KCNQ5: variants seen among roughly 807,000 people sequenced by gnomAD.
KCNQ5 encodes potassium voltage-gated channel subfamily Q member 5.
A neutral mutation model predicts 98.2 loss-of-function variants in KCNQ5; 30 were observed. The ratio of observed to expected loss-of-function variants is 0.31; its 90% CI spans 0.23 to 0.41. The LOEUF is 0.41. Ranked by LOEUF, KCNQ5 falls within the 10% of genes least tolerant of loss-of-function variation. The probability of loss-of-function intolerance (pLI) is 1.00; values close to 1 mark genes in which losing one functional copy is unlikely to be tolerated. For synonymous variants in KCNQ5, 458 were observed against 449.4 expected (o/e 1.02, Z -0.24); for missense variants, 835 against 1,182.5 (o/e 0.71, Z 4.31).
chr6:72,847,141 T>G (rs1000625625), intron 1 of KCNQ5, among the ~76,000 whole-genome samples: 1 of 152,124 alleles, frequency 6.6e-6, no homozygotes, highest in Middle Eastern at 3.4e-3. Flanking sequence ...AAAAAAAAAT[T>G]CCCTTGCACT....
intron 3 of KCNQ5, among the ~76,000 whole-genome samples, chr6:73,050,265 A>AGGAG (rs1772163901): frequency 1.1e-5 from 1 of 93,130 alleles, no homozygotes; most frequent in East Asian, 3.5e-4. Flanking sequence ...GAGGGAAGGA[A>AGGAG]GGAAGGAAGG....
At chr6:72,672,535 T>C (rs540602599) in intron 1 of KCNQ5, among the ~76,000 whole-genome samples, 2 of 152,248 alleles carry the variant, frequency 1.3e-5, no homozygotes, top group South Asian at 2.1e-4. Flanking sequence ...AAAATAAAAG[T>C]ATATAAGTTT....
At chr6:73,073,345 T>C (rs1441823502) in intron 3 of KCNQ5, among the ~76,000 whole-genome samples, 1 of 152,164 alleles carries the variant, frequency 6.6e-6, no homozygotes, top group East Asian at 1.9e-4. Flanking sequence ...TACATCAGGG[T>C]TTCTCAGCCT....
intron 1 of KCNQ5, among the ~76,000 whole-genome samples, chr6:72,793,939 C>A (rs578255873): frequency 6.6e-6 from 1 of 152,168 alleles, no homozygotes; most frequent in Non-Finnish European, 1.5e-5. Flanking sequence ...ATTCGGAGAT[C>A]AGAGAATGAG....
At chr6:72,710,418 A>C (rs972762799) in intron 1 of KCNQ5, among the ~76,000 whole-genome samples, 5 of 152,226 alleles carry the variant, frequency 3.3e-5, no homozygotes, top group Admixed American at 2.0e-4. Flanking sequence ...AAACAAAACA[A>C]GACCCAACTG....
chr6:72,772,410 T>G (rs770832183), intron 1 of KCNQ5, among the ~76,000 whole-genome samples: 1 of 152,142 alleles, frequency 6.6e-6, no homozygotes, highest in Non-Finnish European at 1.5e-5. Flanking sequence ...TTATAATATT[T>G]ATATATAACT....
chr6:73,035,120 C>G (rs924339563), intron 2 of KCNQ5, among the ~76,000 whole-genome samples: 14 of 152,060 alleles, frequency 9.2e-5, no homozygotes, highest in African/African-American at 3.1e-4. Flanking sequence ...GCTGGGATTA[C>G]AGGTGTGAAC....
chr6:72,628,036 C>T (rs2098918879), intron 1 of KCNQ5, among the ~76,000 whole-genome samples: 1 of 152,176 alleles, frequency 6.6e-6, no homozygotes, highest in Non-Finnish European at 1.5e-5. Context: ...GTCTGTCTCT[C>T]CCACATGACA....
chr6:73,152,940 A>G (rs1242578020), intron 10 of KCNQ5, among the ~76,000 whole-genome samples: 1 of 152,158 alleles, frequency 6.6e-6, no homozygotes, highest in Non-Finnish European at 1.5e-5. Context: ...TTAATACCCC[A>G]GCTTTTGGTT....
chr6:73,167,051 G>A (rs1007694999), intron 10 of KCNQ5, among the ~76,000 whole-genome samples: 4 of 152,132 alleles, frequency 2.6e-5, no homozygotes, highest in African/African-American at 9.7e-5. Context: ...GCAACTAAGA[G>A]CAGGTTACAA....
intron 1 of KCNQ5, among the ~76,000 whole-genome samples, chr6:72,824,335 A>T (rs976353977): frequency 6.6e-6 from 1 of 152,146 alleles, no homozygotes; most frequent in Non-Finnish European, 1.5e-5. Context: ...ATTTTAAAAA[A>T]AGAGAGGAAA....
chr6:73,009,858 T>C (rs1390019186), intron 2 of KCNQ5, among the ~76,000 whole-genome samples: 1 of 152,134 alleles, frequency 6.6e-6, no homozygotes, highest in African/African-American at 2.4e-5. Flanking sequence ...CTATAACTAG[T>C]AAGGAGATTG....
Position 72,926,289 on chromosome 6 carries a change from TC to T in KCNQ5, c.399-77618del, listed in dbSNP as rs1211176740. Among the ~76,000 whole-genome samples the T allele has an allele frequency of 2.0e-5, 3 of 152,300 alleles. No homozygotes were observed. The East Asian group carries it at 5.8e-4, about 29-fold the overall frequency. The stretch of plus-strand genomic sequence containing the variant: ...TAATTAGTATTACTGCTGCAAGGAA[TC>T]AGCTCATGAAAAGTTATACTGCATT... On this transcript the variant is annotated intron_variant, in intron 1 of 13. Coordinates refer to ENST00000370398, the MANE Select transcript of KCNQ5 (RefSeq NM_019842.4).
intron 1 of KCNQ5, among the ~76,000 whole-genome samples, chr6:72,736,593 G>A (rs1330576537): frequency 2.9e-5 from 4 of 137,530 alleles, no homozygotes; most frequent in Admixed American, 2.4e-4. Context: ...TCCGCCTCCC[G>A]GGTTCACGCC....
intron 1 of KCNQ5, among the ~76,000 whole-genome samples, chr6:72,966,301 G>A (rs1365133986): frequency 2.0e-5 from 3 of 152,074 alleles, no homozygotes; most frequent in African/African-American, 7.2e-5. Context: ...GCTCATGCCT[G>A]TAATCCCAGA....
At chr6:73,100,451 G>A (rs993527933) in intron 5 of KCNQ5, among the ~76,000 whole-genome samples, 1 of 152,106 alleles carries the variant, frequency 6.6e-6, no homozygotes, top group African/African-American at 2.4e-5. Context: ...CGGATCATGA[G>A]GTCAGGAGAC....
At chr6:72,944,579 GTGCTAT>G (rs1766452946) in intron 1 of KCNQ5, among the ~76,000 whole-genome samples, 1 of 152,188 alleles carries the variant, frequency 6.6e-6, no homozygotes. Flanking sequence ...CTGGGAAATA[GTGCTAT>G]AACCAAAACT....
intron 1 of KCNQ5, among the ~76,000 whole-genome samples, chr6:72,955,910 A>C (rs1767020617): frequency 6.6e-6 from 1 of 152,098 alleles, no homozygotes; most frequent in African/African-American, 2.4e-5. Flanking sequence ...ACACAGAGTG[A>C]GACTCCATCT....
intron 1 of KCNQ5, among the ~76,000 whole-genome samples, chr6:72,658,289 T>G (rs565931607): frequency 6.6e-6 from 1 of 151,992 alleles, no homozygotes; most frequent in South Asian, 2.1e-4. Flanking sequence ...TATTTTTTAT[T>G]TATTTTTTTG....
Sources: gnomAD v4.1 joint callset for allele counts (sites outside exome capture counted in the v4.1 genomes callset) on GRCh38, gnomAD v4.1.1 for gene constraint, MANE v1.5 for transcripts, NCBI Gene and HGNC (gene_info 2026-07-23, HGNC 2026-07-21) for gene names.